Variants in JAZF1 observed in about 807,000 individuals in gnomAD.
The protein encoded by JAZF1 is juxtaposed with another zinc finger protein 1.
A neutral mutation model predicts 26.4 loss-of-function variants in JAZF1; 8 were observed. That is an observed-to-expected ratio of 0.30 (90% confidence interval 0.18 to 0.55). The LOEUF is 0.55. Among genes scored for constraint, JAZF1 ranks in the 20% least tolerant of loss-of-function variants. The probability of loss-of-function intolerance (pLI) is 0.94; values close to 1 mark genes in which losing one functional copy is unlikely to be tolerated. For missense variants in JAZF1, 199 were observed against 322.0 expected, an observed-to-expected ratio of 0.62 and a Z score of 2.92; for synonymous variants, 126 against 122.3, an observed-to-expected ratio of 1.03 and a Z score of -0.20.
chr7:28,152,137 C>G (rs1339932818), intron 1 of JAZF1, among the ~76,000 whole-genome samples: 1 of 152,164 alleles, frequency 6.6e-6, no homozygotes, highest in African/African-American at 2.4e-5. Context: ...GTTGATGAAT[C>G]AGAAGTTCTC....
chr7:27,889,848 T>C (rs1033637111), intron 3 of JAZF1, among the ~76,000 whole-genome samples: 1 of 151,740 alleles, frequency 6.6e-6, no homozygotes, highest in East Asian at 1.9e-4. Flanking sequence ...TCAGAGAATC[T>C]CTTGAACCTG....
At chr7:27,857,493 G>A (rs913553366) in intron 3 of JAZF1, among the ~76,000 whole-genome samples, 5 of 152,242 alleles carry the variant, frequency 3.3e-5, no homozygotes, top group African/African-American at 1.2e-4. Context: ...CTCAAGCGCG[G>A]CCAGAGTGGG....
intron 3 of JAZF1, among the ~76,000 whole-genome samples, chr7:27,872,383 C>T (rs993593145): frequency 2.0e-5 from 3 of 152,144 alleles, no homozygotes; most frequent in African/African-American, 7.2e-5. Flanking sequence ...ATATATAAAA[C>T]GTCGAACAGA....
chr7:27,976,048 T>C (rs969484662), intron 2 of JAZF1, among the ~76,000 whole-genome samples: 3 of 152,086 alleles, frequency 2.0e-5, no homozygotes, highest in African/African-American at 7.2e-5. Context: ...CCCTCAAGAA[T>C]ATATGGTCTT....
intron 2 of JAZF1, among the ~76,000 whole-genome samples, chr7:27,928,619 C>T (rs542512035): frequency 6.6e-6 from 1 of 152,300 alleles, no homozygotes; most frequent in African/African-American, 2.4e-5. Context: ...TTTTGAGTTA[C>T]AGCCTTCTAA....
At chr7:28,131,205 C>T (rs1300721609) in intron 1 of JAZF1, among the ~76,000 whole-genome samples, 4 of 152,028 alleles carry the variant, frequency 2.6e-5, no homozygotes, top group Non-Finnish European at 5.9e-5. Flanking sequence ...ATTGTTCATT[C>T]GTTTCAGTAA....
chr7:28,067,342 A>G (rs1041504761), intron 1 of JAZF1, among the ~76,000 whole-genome samples: 1 of 152,236 alleles, frequency 6.6e-6, no homozygotes, highest in African/African-American at 2.4e-5. Flanking sequence ...TTGTTAAACC[A>G]GTGGAATCTT....
Position 28,180,678 on chromosome 7 carries a change from A to C in JAZF1, c.-101T>G. ...GGGTGAGGAGAGGAGGGGCTGGGGG[A>C]GGGGGAGAGAGGCGGGGTGAGGGGA... On this transcript the variant is annotated 5_prime_UTR_variant, in exon 1 of 5. Coordinates refer to ENST00000283928, the MANE Select transcript of JAZF1 (RefSeq NM_175061.4). The C allele has an allele frequency of 1.0e-5, 1 of 98,638 alleles. No homozygotes were observed. Among genetic ancestry groups the C allele is most frequent in the Non-Finnish European group, 1.9e-5 (1 of 52,528 alleles). 6.1% of individuals were successfully genotyped at this position (98,638 alleles called of 1,614,324 possible). A position where few individuals can be genotyped will look rare whatever the true frequency, so the allele number is the denominator to read the frequency against.
At chr7:28,146,418 T>C (rs1301153509) in intron 1 of JAZF1, among the ~76,000 whole-genome samples, 1 of 152,252 alleles carries the variant, frequency 6.6e-6, no homozygotes, top group African/African-American at 2.4e-5. Context: ...CACTTGAAGA[T>C]TCAGGGTGTT....
At chr7:27,979,927 C>A (rs777648735) in intron 2 of JAZF1, among the ~76,000 whole-genome samples, 2 of 152,164 alleles carry the variant, frequency 1.3e-5, no homozygotes, top group Non-Finnish European at 2.9e-5. Context: ...TTACTGGTTA[C>A]CTCTCTCATA....
chr7:28,020,264 G>C (rs1782980931), intron 1 of JAZF1, among the ~76,000 whole-genome samples: 1 of 152,100 alleles, frequency 6.6e-6, no homozygotes, highest in Admixed American at 6.5e-5. Flanking sequence ...ACCAAAATGG[G>C]GGAATTCCTA....
intron 3 of JAZF1, among the ~76,000 whole-genome samples, chr7:27,864,931 T>G (rs1289305717): frequency 1.3e-5 from 2 of 152,180 alleles, no homozygotes; most frequent in Non-Finnish European, 1.5e-5. Flanking sequence ...ATGGGCTCCC[T>G]CACAGGACCT....
At chr7:28,030,798 T>C (rs898328943) in intron 1 of JAZF1, among the ~76,000 whole-genome samples, 2 of 152,212 alleles carry the variant, frequency 1.3e-5, no homozygotes, top group Non-Finnish European at 2.9e-5. Context: ...GAGAGAAAAA[T>C]GAAAGTTTTG....
At chr7:27,845,711 A>AAAAGAAAAAAG (rs1783016074) in intron 3 of JAZF1, among the ~76,000 whole-genome samples, 1 of 137,672 alleles carries the variant, frequency 7.3e-6, no homozygotes, top group African/African-American at 2.8e-5. Context: ...AAAAAAAAAA[A>AAAAGAAAAAAG]AAAGAAAAGA....
intron 1 of JAZF1, among the ~76,000 whole-genome samples, chr7:28,172,577 A>G (rs1338247714): frequency 6.6e-6 from 1 of 152,192 alleles, no homozygotes; most frequent in African/African-American, 2.4e-5. Context: ...AAAGAAGAGA[A>G]TTTTCATACT....
At chr7:27,983,001 A>G (rs1046354117) in intron 2 of JAZF1, among the ~76,000 whole-genome samples, 5 of 152,242 alleles carry the variant, frequency 3.3e-5, no homozygotes, top group African/African-American at 1.2e-4. Flanking sequence ...AAACCAGAGC[A>G]GAAAAGCTGA....
intron 2 of JAZF1, among the ~76,000 whole-genome samples, chr7:27,962,003 T>TA (rs1022374021): frequency 3.9e-5 from 6 of 152,198 alleles, no homozygotes; most frequent in Admixed American, 1.3e-4. Context: ...TGAGCTCTGT[T>TA]ACCTTATCTA....
intron 1 of JAZF1, among the ~76,000 whole-genome samples, chr7:28,052,917 T>C (rs972559413): frequency 6.6e-6 from 1 of 152,312 alleles, no homozygotes; most frequent in South Asian, 2.1e-4. Context: ...TATGTTCATA[T>C]TGTTGTACAA....
chr7:28,136,108 A>G (rs1471805640), intron 1 of JAZF1, among the ~76,000 whole-genome samples: 1 of 152,230 alleles, frequency 6.6e-6, no homozygotes, highest in East Asian at 1.9e-4. Context: ...AAATACAACA[A>G]CAACAACTAG....
Sources: allele counts gnomAD v4.1 joint callset (sites outside exome capture counted in the v4.1 genomes callset), GRCh38; gene constraint gnomAD v4.1.1; transcripts MANE v1.5; gene names NCBI Gene and HGNC (gene_info 2026-07-23, HGNC 2026-07-21).